Variants in COL22A1 observed in about 807,000 individuals in gnomAD.
COL22A1 encodes the protein collagen alpha-1(XXII) chain.
Under a neutral mutation model 248.9 loss-of-function variants are expected in COL22A1, and 221 were observed. The observed-to-expected ratio is 0.89, with a 90% CI of 0.80 to 0.99. The LOEUF is 0.99. COL22A1 is among the 50% of genes least tolerant of loss of function. The probability of loss-of-function intolerance (pLI) is 0.00; values close to 1 mark genes in which losing one functional copy is unlikely to be tolerated. For synonymous variants in COL22A1, 891 were observed against 793.4 expected, an observed-to-expected ratio of 1.12 and a Z score of -2.07; for missense variants, 2,240 against 2,179.0, an observed-to-expected ratio of 1.03 and a Z score of -0.56.
intron 58 of COL22A1, 69 bp from the exon 59 acceptor site, chr8:138,604,838 A>G: frequency 1.6e-5 from 20 of 1,271,594 alleles, no homozygotes; most frequent in Non-Finnish European, 2.3e-5. Context: ...GACTGTCTTT[A>G]AAACTGACAT....
At chr8:138,597,909 C>T (rs1318703875) in intron 61 of COL22A1, among the ~76,000 whole-genome samples, 1 of 152,156 alleles carries the variant, frequency 6.6e-6, no homozygotes, top group East Asian at 1.9e-4. Flanking sequence ...TGGCGTCTTT[C>T]AGGGCACCTG....
At chr8:138,851,564 AC>A (rs1466284382) in intron 3 of COL22A1, among the ~76,000 whole-genome samples, 1 of 152,032 alleles carries the variant, frequency 6.6e-6, no homozygotes, top group Non-Finnish European at 1.5e-5. Flanking sequence ...GGTTCCTCAG[AC>A]CTCCTTTCCC....
intron 1 of COL22A1, among the ~76,000 whole-genome samples, chr8:138,891,442 C>A (rs1421838015): frequency 6.6e-6 from 1 of 152,220 alleles, no homozygotes; most frequent in Non-Finnish European, 1.5e-5. Context: ...CCCTGCTCTT[C>A]CCAGCACTAA....
intron 12 of COL22A1, among the ~76,000 whole-genome samples, chr8:138,790,323 A>G (rs565150124): frequency 5.5e-4 from 83 of 152,292 alleles, no homozygotes; most frequent in African/African-American, 1.9e-3. Flanking sequence ...CTCCACCCTC[A>G]TGACCCAATC....
intron 5 of COL22A1, among the ~76,000 whole-genome samples, 162 bp from the exon 6 acceptor site, chr8:138,826,943 G>T (rs1259151531): frequency 1.3e-5 from 2 of 151,980 alleles, no homozygotes; most frequent in African/African-American, 4.8e-5. Flanking sequence ...TTCTCCTTAG[G>T]TCAGGGCCTC....
At chr8:138,734,920 A>C (rs1303540419) in intron 23 of COL22A1, among the ~76,000 whole-genome samples, 1 of 152,208 alleles carries the variant, frequency 6.6e-6, no homozygotes, top group Non-Finnish European at 1.5e-5. Flanking sequence ...ACTGGAACAG[A>C]AAACCAAATA....
At chr8:138,720,524 G>C (rs1167703178) in intron 27 of COL22A1, among the ~76,000 whole-genome samples, 1 of 152,074 alleles carries the variant, frequency 6.6e-6, no homozygotes, top group Non-Finnish European at 1.5e-5. Context: ...GGTGCCTTCT[G>C]TCCTAGAGGT....
At chr8:138,819,297 T>C (rs1307992384) in intron 7 of COL22A1, among the ~76,000 whole-genome samples, 1 of 152,128 alleles carries the variant, frequency 6.6e-6, no homozygotes, top group East Asian at 1.9e-4. Context: ...AAGCAATTAG[T>C]ATACAAAATA....
chr8:138,620,286 G>A (rs1447416585), intron 52 of COL22A1: 3 of 152,166 alleles, frequency 2.0e-5, no homozygotes, highest in African/African-American at 7.2e-5. Flanking sequence ...AGCAAGCTGG[G>A]CCTGGAAGAC....
intron 3 of COL22A1, among the ~76,000 whole-genome samples, chr8:138,876,751 A>T (rs748892304): frequency 2.2e-4 from 34 of 152,026 alleles, no homozygotes; most frequent in Non-Finnish European, 3.7e-4. Flanking sequence ...CAGCCCCCAA[A>T]GCTTTCCCTG....
chr8:138,877,341 G>A (rs1823798600), intron 3 of COL22A1, among the ~76,000 whole-genome samples: 2 of 152,178 alleles, frequency 1.3e-5, no homozygotes, highest in South Asian at 4.1e-4. Flanking sequence ...AATGCTTCAG[G>A]CCAGACTTTG....
At chr8:138,863,839 T>C (rs1822668067) in intron 3 of COL22A1, among the ~76,000 whole-genome samples, 1 of 152,190 alleles carries the variant, frequency 6.6e-6, no homozygotes, top group African/African-American at 2.4e-5. Flanking sequence ...GCAATGTGTC[T>C]ATGCAGGAGA....
chr8:138,713,408 A>T (rs186443796), intron 30 of COL22A1, among the ~76,000 whole-genome samples: 5 of 152,340 alleles, frequency 3.3e-5, no homozygotes, highest in Non-Finnish European at 7.4e-5. Flanking sequence ...GAAGATCACC[A>T]GAGTGAGCAA....
At chr8:138,688,559 G>A (rs758543990) in intron 37 of COL22A1, among the ~76,000 whole-genome samples, 5 of 152,024 alleles carry the variant, frequency 3.3e-5, no homozygotes, top group Non-Finnish European at 7.4e-5. Flanking sequence ...GAAGGTTTAC[G>A]TGTGTGAGCA....
intron 1 of COL22A1, among the ~76,000 whole-genome samples, chr8:138,910,904 T>G (rs1815405438): frequency 6.6e-6 from 1 of 152,190 alleles, no homozygotes. Flanking sequence ...TCCTGGCCCA[T>G]AGTAACCACA....
chr8:138,725,993 G>T (rs1830279832), intron 23 of COL22A1, among the ~76,000 whole-genome samples: 1 of 152,170 alleles, frequency 6.6e-6, no homozygotes, highest in Non-Finnish European at 1.5e-5. Flanking sequence ...ATTCTATGGA[G>T]ATCAGTCCTC....
intron 11 of COL22A1, 67 bp downstream of exon 11, chr8:138,802,805 G>A (rs529232759): frequency 1.3e-5 from 16 of 1,239,366 alleles, no homozygotes; most frequent in Admixed American, 1.0e-4. Context: ...TTGCATGATC[G>A]GAGGGCCCTG....
chr8:138,714,428 C>T (rs139934618), intron 30 of COL22A1, among the ~76,000 whole-genome samples: 75 of 152,224 alleles, frequency 4.9e-4, no homozygotes, highest in African/African-American at 1.6e-3. Flanking sequence ...CAGAGAAGGA[C>T]GGGATGAGAT....
chr8:138,829,972 G>A (rs769465092), intron 5 of COL22A1, among the ~76,000 whole-genome samples: 2 of 152,094 alleles, frequency 1.3e-5, no homozygotes, highest in East Asian at 1.9e-4. Context: ...ATACCTACAC[G>A]TGTGTTTATA....
Sources: gnomAD v4.1 joint callset for allele counts (sites outside exome capture counted in the v4.1 genomes callset) on GRCh38, gnomAD v4.1.1 for gene constraint, MANE v1.5 for transcripts, NCBI Gene and HGNC (gene_info 2026-07-23, HGNC 2026-07-21) for gene names.